The following AKAP9 variants were observed in gnomAD, a reference collection of about 807,000 sequenced individuals.
AKAP9 encodes the protein A-kinase anchor protein 9.
In AKAP9, 311 loss-of-function variants were observed where a neutral mutation model predicts 488.5. That is an observed-to-expected ratio of 0.64 (90% confidence interval 0.58 to 0.70). AKAP9 has a LOEUF of 0.70. Ranked by LOEUF, AKAP9 falls within the 30% of genes least tolerant of loss-of-function variation. The probability of loss-of-function intolerance (pLI) is 0.00; values close to 1 mark genes in which losing one functional copy is unlikely to be tolerated. For synonymous variants in AKAP9, 1,462 were observed against 1,483.5 expected (o/e 0.99, Z 0.33); for missense variants, 4,215 against 4,374.5 (o/e 0.96, Z 1.03).
At chr7:91,981,603 CTTT>C (rs532220900) in intron 3 of AKAP9, among the ~76,000 whole-genome samples, 14 of 106,622 alleles carry the variant, frequency 1.3e-4, no homozygotes, top group Admixed American at 3.2e-4. Context: ...TCTTGTATTT[CTTT>C]TTTTTTTTTT....
chr7:92,097,698 G>T lies in AKAP9; in HGVS notation c.10511G>T (p.Gly3504Val). The change falls in exon 42 of 50, where the codon GGA becomes GTA. Residue 3504 changes from glycine (G) to valine (V), a missense_variant. Gly to Val is a moderately radical substitution (Grantham distance 109, BLOSUM62 -3). Coordinates refer to ENST00000356239, the MANE Select transcript of AKAP9 (RefSeq NM_005751.5). The stretch of plus-strand genomic sequence containing the variant: ...GCTAAATTGATTGAAATGAATGGAG[G>T]AGGAACCGGCTGTAATCATGAATTA... ...NYAKLIEMNG[G>V]GTGCNHELEM... 2 of 1,614,170 alleles carry T rather than the reference G, an allele frequency of 1.2e-6. No individual in the cohort carries two copies. Among genetic ancestry groups the T allele is most frequent in the Non-Finnish European group, 1.7e-6 (2 of 1,180,010 alleles).
At chr7:91,954,892 G>A (rs1792756729) in intron 1 of AKAP9, among the ~76,000 whole-genome samples, 3 of 152,202 alleles carry the variant, frequency 2.0e-5, no homozygotes, top group South Asian at 2.1e-4. Context: ...AAGGAATAGG[G>A]ATGATTCAAT....
rs538124733 is a variant in AKAP9, at chr7:92,062,291, G to A, written c.5782G>A (p.Ala1928Thr). The part of the protein sequence containing the change: ...SKAEGVIDGY[A>T]DEKTLFERQI... The stretch of plus-strand genomic sequence containing the variant: ...TATTATAGGCGTCATTGATGGCTAT[G>A]CAGATGAAAAAACTCTTTTTGAAAG... Residue 1928 changes from alanine to threonine, a missense_variant, in exon 24 of 50, where the codon GCA (alanine) becomes ACA (threonine). Around this residue, in one of 5 missense-constraint regions of AKAP9, gnomAD observed 2,361 missense variants for 2,430.0 expected, o/e 0.97. Transcript: ENST00000356239. 1 of 1,613,080 alleles carries A rather than the reference G, an allele frequency of 6.2e-7. No individual in the cohort carries two copies. Among genetic ancestry groups the A allele is most frequent in the African/African-American group, 1.3e-5 (1 of 74,988 alleles).
chr7:92,075,370 A>G (rs1023730194), intron 28 of AKAP9, among the ~76,000 whole-genome samples: 5 of 152,270 alleles, frequency 3.3e-5, no homozygotes, highest in Admixed American at 6.5e-5. Flanking sequence ...TGTAAATACT[A>G]TGTTAAATCA....
rs572195038 is a variant in AKAP9 at position 92,038,655 on chromosome 7, A to G, written c.4575A>G (p.Gly1525=). The G allele has an allele frequency of 6.2e-7, 1 of 1,611,104 alleles. No individual in the cohort carries two copies. Among genetic ancestry groups the G allele is most frequent in the African/African-American group, 1.3e-5 (1 of 74,780 alleles). The change falls in exon 17 of 50, where the codon GGA becomes GGG. Residue 1525 remains glycine, a synonymous_variant. Transcript: ENST00000356239. ...TTAGTAAAGAGTTAGGAGAACATGG[A>G]AAGGAAATTTTATTATCAAATAGTG... ...KPLSKELGEH[G]KEILLSNSDP...
At chr7:91,969,579 T>TG (rs768393557) in intron 1 of AKAP9, among the ~76,000 whole-genome samples, 1 of 152,196 alleles carries the variant, frequency 6.6e-6, no homozygotes, top group Non-Finnish European at 1.5e-5. Context: ...TTTTTATACT[T>TG]GGGGCTCTGG....
chr7:92,024,366 T>G (rs570048803), intron 14 of AKAP9, among the ~76,000 whole-genome samples: 2 of 151,190 alleles, frequency 1.3e-5, no homozygotes, highest in South Asian at 4.2e-4. Flanking sequence ...GAGCTGAATT[T>G]GCACCACTGC....
At chr7:92,077,926 A>T in intron 30 of AKAP9, 51 bp downstream of exon 30, 1 of 1,390,308 alleles carries the variant, frequency 7.2e-7, no homozygotes, top group Non-Finnish European at 1.0e-6. Context: ...AGAGTTTTAA[A>T]GGGCAAAATG....
In AKAP9 at chr7:92,070,194, T is replaced by C; in HGVS notation, c.6495T>C (p.Asp2165=). Residue 2165 remains aspartate, a synonymous_variant, in exon 27 of 50, where the codon GAT becomes GAC. Transcript: ENST00000356239. ...AGCAGGCGCTTCTTGTGAGTGCAGA[T>C]ACTTTTCAAAAGGTGTGGCATTTTA... is the stretch of plus-strand genomic sequence containing the variant. The part of the protein sequence containing the change: ...ELEQALLVSA[D]TFQKVEDRKH... 1 of 1,614,072 alleles carries C rather than the reference T, an allele frequency of 6.2e-7. No homozygotes were observed. Among genetic ancestry groups the C allele is most frequent in the African/African-American group, 1.3e-5 (1 of 75,048 alleles).
intron 1 of AKAP9, among the ~76,000 whole-genome samples, chr7:91,969,053 G>A (rs1000994002): frequency 1.3e-5 from 2 of 151,726 alleles, no homozygotes; most frequent in Non-Finnish European, 2.9e-5. Context: ...TTGAAATTTT[G>A]TAGGTTTGAG....
intron 1 of AKAP9, among the ~76,000 whole-genome samples, chr7:91,971,820 C>T (rs1276255768): frequency 1.3e-5 from 2 of 151,622 alleles, no homozygotes; most frequent in Non-Finnish European, 2.9e-5. Flanking sequence ...CCTCCCGCCT[C>T]GGCTTCCCAA....
chr7:92,022,210 A>G lies in AKAP9; in HGVS notation c.3838-28A>G, dbSNP rs1027787003. The G allele has an allele frequency of 4.7e-6, 7 of 1,482,540 alleles. No homozygotes were observed. The African/African-American group carries it at 5.5e-5, about 12-fold the overall frequency. 91.8% of individuals were successfully genotyped at this position (1,482,540 alleles called of 1,614,324 possible). A position where few individuals can be genotyped will look rare whatever the true frequency, so the allele number is the denominator to read the frequency against. ...AATTGCTGGATTATGTATTTATGTT[A>G]CTGCTTTTATTCTGTGGTTTTCAAT... On this transcript the variant is annotated intron_variant, in intron 12 of 49. Coordinates refer to ENST00000356239, the MANE Select transcript of AKAP9 (RefSeq NM_005751.5).
intron 39 of AKAP9, among the ~76,000 whole-genome samples, chr7:92,094,503 A>C (rs1255635751): frequency 6.6e-6 from 1 of 150,568 alleles, no homozygotes; most frequent in African/African-American, 2.4e-5. Context: ...ATTGCACTCC[A>C]TCCTGGGTGA....
At position 91,941,068 on chromosome 7, in the gene AKAP9, C is replaced by T; in HGVS notation, c.-32C>T. On this transcript the variant is annotated 5_prime_UTR_variant, in exon 1 of 50. Transcript: ENST00000356239. ...TTTCTATCCCCAACCACCCCTCAACCCCTGTTTTCCCCTGCCTTCCTTGCA... is the reference window on the plus strand; with the variant it reads ...TTTCTATCCCCAACCACCCCTCAACTCCTGTTTTCCCCTGCCTTCCTTGCA... 6.2e-7 allele frequency: 1 copy of T among 1,606,806 alleles called. No individual in the cohort carries two copies. Among genetic ancestry groups the T allele is most frequent in the Non-Finnish European group, 8.5e-7 (1 of 1,173,306 alleles).
chr7:91,941,191 G>C (rs1301012332), intron 1 of AKAP9, 44 bp downstream of exon 1: 1 of 1,590,852 alleles, frequency 6.3e-7, no homozygotes, highest in African/African-American at 1.3e-5. Context: ...GGAGGCGGTG[G>C]CTAGCACGGG....
Position 91,956,127 on chromosome 7 carries a change from G to A in AKAP9, c.48+14980G>A, listed in dbSNP as rs183515300. Among the ~76,000 whole-genome samples, 38 of 151,980 alleles carry A rather than the reference G, an allele frequency of 2.5e-4. 1 individual carries two copies. Among genetic ancestry groups the A allele is most frequent in the African/African-American group, 8.2e-4 (34 of 41,446 alleles). On this transcript the variant is annotated intron_variant, in intron 1 of 49. Coordinates refer to ENST00000356239, the MANE Select transcript of AKAP9 (RefSeq NM_005751.5). ...TTAAAAGTAGAGATGGAGGCTGGGC[G>A]CGGTGGCTCACGTCTGTGGTCCCGG...
intron 8 of AKAP9, 70 bp downstream of exon 8, chr7:92,003,305 T>G: frequency 2.5e-6 from 3 of 1,187,836 alleles, no homozygotes; most frequent in Non-Finnish European, 3.7e-6. Context: ...AGGTTTCACC[T>G]TCATAGAACA....
At position 92,095,836 on chromosome 7, in the gene AKAP9, A is replaced by AACT. The variant is rs565753986; in HGVS notation, c.9729+664_9729+666dup. On this transcript the variant is annotated intron_variant, in intron 40 of 49. Transcript: ENST00000356239. ...ACTGTGTTAGCCTCCAGGCAAAGAG[A>AACT]ACTCTCTGCCCGGCAGGGACATGAT... is the stretch of plus-strand genomic sequence containing the variant. Among the ~76,000 whole-genome samples, 41 of 152,254 alleles carry AACT rather than the reference A, an allele frequency of 2.7e-4. 1 individual carries two copies. The South Asian group carries it at 8.3e-3, about 31-fold the overall frequency.
chr7:92,078,792 C>T (rs187311731), intron 30 of AKAP9, among the ~76,000 whole-genome samples: 20 of 152,058 alleles, frequency 1.3e-4, no homozygotes, highest in African/African-American at 4.6e-4. Flanking sequence ...ACTTTATTTC[C>T]GTACTTCATC....
Sources: gnomAD v4.1 joint callset for allele counts (sites outside exome capture counted in the v4.1 genomes callset) on GRCh38, gnomAD v4.1.1 for gene constraint, gnomAD v4.1.1 regional missense constraint, MANE v1.5 for transcripts, NCBI Gene and HGNC (gene_info 2026-07-23, HGNC 2026-07-21) for gene names.